The following SUPT3H variants were observed in gnomAD, a reference collection of about 807,000 sequenced individuals.
The protein encoded by SUPT3H is SPT3 homolog, SAGA and STAGA complex component.
In SUPT3H, 44 loss-of-function variants were observed where a neutral mutation model predicts 44.3. The observed-to-expected ratio is 0.99, with a 90% CI of 0.78 to 1.28. SUPT3H has a LOEUF of 1.28. SUPT3H is among the 50% of genes most tolerant of loss of function. The probability of loss-of-function intolerance (pLI) is 0.00; values close to 1 mark genes in which losing one functional copy is unlikely to be tolerated. For synonymous variants in SUPT3H, 124 were observed against 125.6 expected (o/e 0.99, Z 0.09); for missense variants, 380 against 387.1 (o/e 0.98, Z 0.15).
At chr6:44,993,698 C>T (rs1354994562) in intron 6 of SUPT3H, among the ~76,000 whole-genome samples, 3 of 152,118 alleles carry the variant, frequency 2.0e-5, no homozygotes, top group African/African-American at 7.2e-5. Context: ...TAATCCTGCA[C>T]TGTGCAGCTA....
chr6:44,829,912 A>G (rs1768314391), intron 10 of SUPT3H, 55 bp from the exon 11 acceptor site: 5 of 1,568,158 alleles, frequency 3.2e-6, no homozygotes, highest in Non-Finnish European at 4.4e-6. Context: ...AAACAAGGAA[A>G]GGAGGCAAAA....
chr6:45,331,411 T>C (rs1349919476), intron 2 of SUPT3H, among the ~76,000 whole-genome samples: 1 of 151,958 alleles, frequency 6.6e-6, no homozygotes, highest in Non-Finnish European at 1.5e-5. Flanking sequence ...TTGTGGTCCA[T>C]ATCAATAATA....
At chr6:45,334,856 T>C (rs1257361756) in intron 2 of SUPT3H, among the ~76,000 whole-genome samples, 2 of 151,230 alleles carry the variant, frequency 1.3e-5, no homozygotes, top group Non-Finnish European at 3.0e-5. Context: ...TGTCAATCTA[T>C]AAAACCAGTA....
intron 9 of SUPT3H, among the ~76,000 whole-genome samples, chr6:44,948,969 T>C (rs1329251141): frequency 6.6e-6 from 1 of 152,184 alleles, no homozygotes; most frequent in Non-Finnish European, 1.5e-5. Flanking sequence ...CTATTCTCAA[T>C]ACCTAAGACT....
intron 10 of SUPT3H, among the ~76,000 whole-genome samples, chr6:44,921,016 C>T (rs1000789798): frequency 6.6e-6 from 1 of 152,188 alleles, no homozygotes; most frequent in Non-Finnish European, 1.5e-5. Flanking sequence ...ATCTAAGGGA[C>T]TGTCCCTCTT....
chr6:44,840,304 G>A lies in SUPT3H; in HGVS notation c.913-10447C>T, dbSNP rs118069384. ...GAGAAGGGCAAATGGACCTTCCTCT[G>A]TCTCTCCAGTCCAATTGGTGGTGGG... On this transcript the variant is annotated intron_variant, in intron 10 of 10. Transcript: ENST00000371459. Among the ~76,000 whole-genome samples the A allele has an allele frequency of 7.2e-5, 11 of 152,264 alleles. No homozygotes were observed. In the East Asian group the frequency reaches 2.1e-3, roughly 29 times the overall value.
chr6:44,830,263 T>C (rs1198086072), intron 10 of SUPT3H, among the ~76,000 whole-genome samples: 8 of 152,188 alleles, frequency 5.3e-5, no homozygotes, highest in Non-Finnish European at 8.8e-5. Context: ...TTACTGGCCC[T>C]TCCCGGGCCT....
At chr6:45,196,872 C>T (rs996813861) in intron 2 of SUPT3H, among the ~76,000 whole-genome samples, 3 of 151,576 alleles carry the variant, frequency 2.0e-5, no homozygotes, top group African/African-American at 7.3e-5. Context: ...GATTGACTTA[C>T]AGTGTTGCTA....
Position 45,307,145 on chromosome 6 carries a change from G to A in SUPT3H, c.101+58056C>T, listed in dbSNP as rs554332823. Among the ~76,000 whole-genome samples, 23 of 152,324 alleles carry A rather than the reference G, an allele frequency of 1.5e-4. 1 individual carries two copies. The South Asian group carries it at 2.9e-3, about 19-fold the overall frequency. On this transcript the variant is annotated intron_variant, in intron 2 of 10. Transcript: ENST00000371459. ...GAAGCTCGAACTGGGTGGAGCCCAC[G>A]GCAGCTCAAGGAGGCCTGCCTGCCT...
intron 2 of SUPT3H, among the ~76,000 whole-genome samples, chr6:45,243,361 G>A (rs1483207557): frequency 6.6e-6 from 1 of 151,674 alleles, no homozygotes; most frequent in East Asian, 1.9e-4. Flanking sequence ...GCTTAACAAA[G>A]TCAGCCAATG....
At chr6:45,181,685 G>T (rs1396346557) in intron 2 of SUPT3H, among the ~76,000 whole-genome samples, 1 of 142,628 alleles carries the variant, frequency 7.0e-6, no homozygotes, top group Admixed American at 7.2e-5. Context: ...ATGGACACAG[G>T]AAGGGGAACA....
intron 6 of SUPT3H, among the ~76,000 whole-genome samples, chr6:44,979,875 T>G (rs749969000): frequency 2.6e-5 from 4 of 152,198 alleles, no homozygotes; most frequent in Non-Finnish European, 5.9e-5. Flanking sequence ...TTTACCAAAC[T>G]GTTAACTAAA....
intron 2 of SUPT3H, among the ~76,000 whole-genome samples, chr6:45,289,236 G>A: frequency 6.6e-6 from 1 of 151,564 alleles, no homozygotes; most frequent in South Asian, 2.1e-4. Context: ...ATTTTAAAGG[G>A]AATTTTTATA....
intron 2 of SUPT3H, among the ~76,000 whole-genome samples, chr6:45,201,844 C>T (rs1762495467): frequency 6.6e-6 from 1 of 151,810 alleles, no homozygotes; most frequent in African/African-American, 2.4e-5. Flanking sequence ...TTAAAATTTA[C>T]CAAACTACCT....
At chr6:45,003,323 A>G (rs1782255425) in intron 6 of SUPT3H, among the ~76,000 whole-genome samples, 1 of 152,204 alleles carries the variant, frequency 6.6e-6, no homozygotes. Flanking sequence ...ATAAAACTGG[A>G]TGATTTGAAA....
At chr6:45,258,723 T>C (rs968102966) in intron 2 of SUPT3H, among the ~76,000 whole-genome samples, 1 of 152,194 alleles carries the variant, frequency 6.6e-6, no homozygotes, top group Non-Finnish European at 1.5e-5. Flanking sequence ...AAGCCTTCAC[T>C]ATAGGAGCAA....
At chr6:44,997,537 A>G (rs1430660568) in intron 6 of SUPT3H, among the ~76,000 whole-genome samples, 1 of 151,864 alleles carries the variant, frequency 6.6e-6, no homozygotes, top group East Asian at 1.9e-4. Flanking sequence ...ATCTGACTTA[A>G]TGAAGACTTT....
intron 2 of SUPT3H, among the ~76,000 whole-genome samples, chr6:45,314,798 A>C (rs1177073555): frequency 6.6e-6 from 1 of 152,178 alleles, no homozygotes; most frequent in Non-Finnish European, 1.5e-5. Context: ...TCTAAAATTC[A>C]TATGGAACCA....
At chr6:45,157,714 A>G (rs1157791007) in intron 2 of SUPT3H, among the ~76,000 whole-genome samples, 1 of 151,520 alleles carries the variant, frequency 6.6e-6, no homozygotes, top group Non-Finnish European at 1.5e-5. Context: ...ATGCCCGGCT[A>G]ATTTTTGTAT....
Sources: gnomAD v4.1 joint callset for allele counts (sites outside exome capture counted in the v4.1 genomes callset) on GRCh38, gnomAD v4.1.1 for gene constraint, MANE v1.5 for transcripts, NCBI Gene and HGNC (gene_info 2026-07-23, HGNC 2026-07-21) for gene names.